Variants in SCTR observed in about 807,000 individuals in gnomAD.
SCTR encodes the protein secretin receptor, also known as pancreatic secretin receptor.
In SCTR, 56 loss-of-function variants were observed where a neutral mutation model predicts 60.8. The ratio of observed to expected loss-of-function variants is 0.92; its 90% CI spans 0.74 to 1.15. SCTR has a LOEUF of 1.15. SCTR is among the 50% of genes most tolerant of loss of function. SCTR has a pLI of 0.00. For missense variants in SCTR, 562 were observed against 550.4 expected, an observed-to-expected ratio of 1.02 and a Z score of -0.21; for synonymous variants, 202 against 217.0, an observed-to-expected ratio of 0.93 and a Z score of 0.61.
intron 4 of SCTR, among the ~76,000 whole-genome samples, chr2:119,469,436 C>T (rs934298204): frequency 2.6e-5 from 4 of 152,194 alleles, no homozygotes; most frequent in Non-Finnish European, 4.4e-5. Context: ...AGACCTCACC[C>T]ACCCAGAAAC....
chr2:119,461,034 A>G (rs549659030), intron 7 of SCTR, among the ~76,000 whole-genome samples: 1 of 152,360 alleles, frequency 6.6e-6, no homozygotes, highest in Non-Finnish European at 1.5e-5. Flanking sequence ...TCCATTGGGA[A>G]CACCAGCTTA....
At chr2:119,468,225 G>A (rs1021402229) in intron 4 of SCTR, among the ~76,000 whole-genome samples, 1 of 152,140 alleles carries the variant, frequency 6.6e-6, no homozygotes, top group Non-Finnish European at 1.5e-5. Context: ...ATAACCAAAA[G>A]AAAAGGGTAA....
intron 2 of SCTR, chr2:119,486,460 C>G (rs1431846946): frequency 6.6e-6 from 1 of 152,240 alleles, no homozygotes; most frequent in Admixed American, 6.5e-5. Context: ...TCCTCATCCA[C>G]CCGAGAACTC....
At chr2:119,490,255 C>G (rs1275728021) in intron 2 of SCTR, among the ~76,000 whole-genome samples, 1 of 152,220 alleles carries the variant, frequency 6.6e-6, no homozygotes, top group Non-Finnish European at 1.5e-5. Context: ...TCTGTTCTGT[C>G]CCTGTCCCTT....
At chr2:119,458,820 G>A (rs1683484286) in intron 7 of SCTR, among the ~76,000 whole-genome samples, 3 of 152,174 alleles carry the variant, frequency 2.0e-5, no homozygotes, top group Admixed American at 1.3e-4. Context: ...GGCCACCCCA[G>A]ACCCACTGCC....
chr2:119,462,220 C>G (rs961412357), intron 6 of SCTR, among the ~76,000 whole-genome samples: 4 of 152,156 alleles, frequency 2.6e-5, no homozygotes, highest in Non-Finnish European at 5.9e-5. Context: ...GTCAAGCTGG[C>G]CAATCAATGA....
intron 11 of SCTR, among the ~76,000 whole-genome samples, chr2:119,445,415 G>A (rs997563933): frequency 2.0e-5 from 3 of 152,232 alleles, no homozygotes; most frequent in Non-Finnish European, 4.4e-5. Context: ...GGGTTACTGG[G>A]TAGAGGGCCA....
intron 9 of SCTR, 79 bp downstream of exon 9, chr2:119,451,930 TC>T: frequency 1.1e-6 from 1 of 884,562 alleles, no homozygotes; most frequent in African/African-American, 1.6e-5. Flanking sequence ...GCCCTGTCCT[TC>T]CACCCTCTGC....
At position 119,507,733 on chromosome 2, in the gene SCTR, C is replaced by T. The variant is rs180829942; in HGVS notation, c.73-13185G>A. Among the ~76,000 whole-genome samples, 46 of 130,510 alleles carry T rather than the reference C, an allele frequency of 3.5e-4. No individual in the cohort carries two copies. The East Asian group carries it at 0.012, about 33-fold the overall frequency. The allele number at this position is 130,510 out of a possible 152,430, so 85.6% of individuals were successfully genotyped here. ...CTCTGTCGCCCAGGCTAGAATGATG[C>T]AGTGGCACGATCTTGGCTCACTGCA... On this transcript the variant is annotated intron_variant, in intron 1 of 12. Transcript: ENST00000019103.
At chr2:119,502,981 C>T (rs1228299286) in intron 1 of SCTR, among the ~76,000 whole-genome samples, 4 of 109,776 alleles carry the variant, frequency 3.6e-5, no homozygotes, top group African/African-American at 9.3e-5. Flanking sequence ...GGAACCTCAT[C>T]TCTACTAAAA....
intron 12 of SCTR, 119 bp downstream of exon 12, chr2:119,441,439 G>A (rs1348345530): frequency 2.6e-6 from 2 of 774,484 alleles, no homozygotes; most frequent in African/African-American, 3.4e-5. Context: ...ACCAGACCCA[G>A]GACTCCCTCT....
At chr2:119,486,602 TC>T (rs1677877654) in intron 2 of SCTR, 1 of 152,234 alleles carries the variant, frequency 6.6e-6, no homozygotes, top group South Asian at 2.1e-4. Flanking sequence ...GGTAAGGTTA[TC>T]AGTCATTCAC....
chr2:119,503,312 A>G (rs978196756), intron 1 of SCTR, among the ~76,000 whole-genome samples: 9 of 152,132 alleles, frequency 5.9e-5, no homozygotes, highest in Admixed American at 5.9e-4. Flanking sequence ...TACACTTGTA[A>G]TCTCAGCACT....
intron 4 of SCTR, among the ~76,000 whole-genome samples, chr2:119,469,123 G>C (rs1337019582): frequency 6.6e-6 from 1 of 152,160 alleles, no homozygotes; most frequent in Non-Finnish European, 1.5e-5. Context: ...AGGGCAGTGG[G>C]TTGCCTTGAA....
chr2:119,487,105 T>A (rs909985475), intron 2 of SCTR: 1 of 152,034 alleles, frequency 6.6e-6, no homozygotes, highest in South Asian at 2.1e-4. Flanking sequence ...CACTGGCAAA[T>A]CCACAGAGAC....
chr2:119,485,734 T>A (rs1333258785), intron 2 of SCTR: 1 of 152,704 alleles, frequency 6.5e-6, no homozygotes, highest in Non-Finnish European at 1.5e-5. Context: ...CTCTCCTACC[T>A]TCTGCTTCTG....
intron 1 of SCTR, among the ~76,000 whole-genome samples, chr2:119,505,865 A>G (rs1678724260): frequency 6.6e-6 from 1 of 152,244 alleles, no homozygotes; most frequent in South Asian, 2.1e-4. Context: ...ATTTAAAAAA[A>G]CAGAGAAAAA....
chr2:119,471,166 C>T (rs142890063), intron 4 of SCTR, among the ~76,000 whole-genome samples: 2 of 152,174 alleles, frequency 1.3e-5, no homozygotes, highest in East Asian at 3.8e-4. Context: ...GTTACGCAAG[C>T]CACATGTGCT....
chr2:119,487,833 G>A (rs868683650), intron 2 of SCTR, among the ~76,000 whole-genome samples: 41 of 152,194 alleles, frequency 2.7e-4, no homozygotes, highest in African/African-American at 8.7e-4. Flanking sequence ...CTGGTCTGGC[G>A]TTCAAACATT....
Sources: allele counts gnomAD v4.1 joint callset (sites outside exome capture counted in the v4.1 genomes callset), GRCh38; gene constraint gnomAD v4.1.1; transcripts MANE v1.5; gene names NCBI Gene and HGNC (gene_info 2026-07-23, HGNC 2026-07-21).